The following ITGAL variants were observed in gnomAD, a reference collection of about 807,000 sequenced individuals.
The protein encoded by ITGAL is integrin alpha-L.
In ITGAL, 68 loss-of-function variants were observed where a neutral mutation model predicts 138.4. That is an observed-to-expected ratio of 0.49 (90% CI 0.40 to 0.60). The LOEUF is 0.60. Among genes scored for constraint, ITGAL ranks in the 20% least tolerant of loss-of-function variants. The pLI, the probability that ITGAL is intolerant of heterozygous loss-of-function variation, is 0.00. For missense variants in ITGAL, 1,256 were observed against 1,478.6 expected (o/e 0.85, Z 2.47); for synonymous variants, 561 against 584.3 (o/e 0.96, Z 0.57).
Position 30,494,099 on chromosome 16 carries a change from T to C in ITGAL, c.1214-113T>C. On this transcript the variant is annotated intron_variant, in intron 11 of 30. Coordinates refer to ENST00000356798, the MANE Select transcript of ITGAL (RefSeq NM_002209.3). The surrounding 1 kb of genome is among the most constrained non-coding windows in gnomAD (Gnocchi z 4.2). The stretch of plus-strand genomic sequence containing the variant: ...TTTCTCAGGAGAAGGTCTTCAGCTG[T>C]TTCCATGCATCTCTGCTACTAACCC... 1 of 867,698 alleles carries C rather than the reference T, an allele frequency of 1.2e-6. No homozygotes were observed. Among genetic ancestry groups the C allele is most frequent in the Non-Finnish European group, 1.8e-6 (1 of 558,948 alleles). 53.7% of individuals were successfully genotyped at this position (867,698 alleles called of 1,614,324 possible). A position where few individuals can be genotyped will look rare whatever the true frequency, so the allele number is the denominator to read the frequency against.
chr16:30,514,739 A>G (rs1191026505), intron 25 of ITGAL, among the ~76,000 whole-genome samples: 2 of 151,688 alleles, frequency 1.3e-5, no homozygotes, highest in African/African-American at 4.8e-5. Flanking sequence ...TAAGTTAGGT[A>G]TTTAGCTAGG....
rs559041010 is a variant in ITGAL, at chr16:30,494,749, G to C, written c.1402G>C (p.Asp468His). 1.2e-6 allele frequency: 2 copies of C among 1,612,880 alleles called. No individual in the cohort carries two copies. The highest frequency in any genetic ancestry group is 2.2e-5 in the South Asian group (2 of 90,972). The change falls in exon 13 of 31, where the codon GAC (aspartate) becomes CAC (histidine). Residue 468 changes from aspartate (D) to histidine (H), a missense_variant. Asp to His is a moderately conservative substitution (Grantham distance 81, BLOSUM62 -1). Around this residue, in one of 3 missense-constraint regions of ITGAL, gnomAD observed 867 missense variants for 972.5 expected, o/e 0.89. Coordinates refer to ENST00000356798, the MANE Select transcript of ITGAL (RefSeq NM_002209.3). The surrounding 1 kb of genome is among the most constrained non-coding windows in gnomAD (Gnocchi z 4.2). ...SYFGGELCGV[D>H]VDQDGETELL... ...TTTCGGTGGGGAGCTGTGTGGCGTCGACGTGGACCAAGATGGGGAGACAGA... is the reference window on the plus strand; with the variant it reads ...TTTCGGTGGGGAGCTGTGTGGCGTCCACGTGGACCAAGATGGGGAGACAGA...
Position 30,517,066 on chromosome 16 carries a change from C to A in ITGAL, c.2956C>A (p.His986Asn), listed in dbSNP as rs1412119249. ...PQPPSEGPIT[H>N]QWSVQMEPPV... is the part of the protein sequence containing the mutation. ...GCCTCCCAGCGAGGGGCCCATCACACACCAGTGGAGCGTGCAGATGGTGAG... is the reference window on the plus strand; with the variant it reads ...GCCTCCCAGCGAGGGGCCCATCACAAACCAGTGGAGCGTGCAGATGGTGAG... The change falls in exon 26 of 31, where the codon CAC (histidine) becomes AAC (asparagine). Residue 986 changes from histidine (H) to asparagine (N), a missense_variant. His to Asn is a moderately conservative substitution (Grantham distance 68, BLOSUM62 1). Around this residue, in one of 3 missense-constraint regions of ITGAL, gnomAD observed 867 missense variants for 972.5 expected, o/e 0.89. Transcript: ENST00000356798. 1.2e-6 allele frequency: 2 copies of A among 1,611,016 alleles called. No homozygotes were observed.
intron 17 of ITGAL, among the ~76,000 whole-genome samples, chr16:30,500,178 C>T (rs1033717397): frequency 2.0e-5 from 3 of 149,712 alleles, no homozygotes; most frequent in East Asian, 4.0e-4. Flanking sequence ...CTCTGCCTCC[C>T]GGGTTCAAGC....
At chr16:30,501,684 G>T (rs202208624) in intron 17 of ITGAL, among the ~76,000 whole-genome samples, 1 of 152,110 alleles carries the variant, frequency 6.6e-6, no homozygotes, top group Non-Finnish European at 1.5e-5. Flanking sequence ...AAAACTTAGG[G>T]ATTTTTTAAA....
At chr16:30,499,707 A>ATCTATG (rs2050858735) in intron 17 of ITGAL, among the ~76,000 whole-genome samples, 1 of 84,848 alleles carries the variant, frequency 1.2e-5, no homozygotes, top group Non-Finnish European at 2.1e-5. Flanking sequence ...GTGTATATAT[A>ATCTATG]TATATGTATA....
At chr16:30,498,910 A>G in intron 15 of ITGAL, 164 bp from the exon 16 acceptor site, 1 of 642,748 alleles carries the variant, frequency 1.6e-6, no homozygotes, top group South Asian at 2.1e-5. Flanking sequence ...CAAAATAAAT[A>G]AATAAAAAGT....
Position 30,518,629 on chromosome 16 carries a change from T to G in ITGAL, c.3138T>G (p.Ser1046=). ...TLELVGEIEA[S]SMFSLCSSLS... ...GCCTTTCCCCGCTCCCACAGGCCTC[T>G]TCCATGTTCAGCCTCTGCAGCTCCC... Residue 1046 remains serine (S), a synonymous_variant, in exon 29 of 31, where the codon TCT becomes TCG. Coordinates refer to ENST00000356798, the MANE Select transcript of ITGAL (RefSeq NM_002209.3). 6.2e-7 allele frequency: 1 copy of G among 1,613,138 alleles called. No homozygotes were observed. Among genetic ancestry groups the G allele is most frequent in the Non-Finnish European group, 8.5e-7 (1 of 1,179,138 alleles).
At chr16:30,517,178 C>A in intron 26 of ITGAL, 92 bp downstream of exon 26, 1 of 843,616 alleles carries the variant, frequency 1.2e-6, no homozygotes, top group Non-Finnish European at 1.9e-6. Context: ...TGGCCAGGTG[C>A]GGTGGCTCTG....
At chr16:30,518,557 G>A in intron 28 of ITGAL, 67 bp from the exon 29 acceptor site, 1 of 1,084,328 alleles carries the variant, frequency 9.2e-7, no homozygotes, top group Non-Finnish European at 1.4e-6. Flanking sequence ...GTGTTGTGGT[G>A]GGGGCAAAAG....
intron 15 of ITGAL, among the ~76,000 whole-genome samples, chr16:30,498,262 T>C (rs1207404723): frequency 8.4e-5 from 6 of 71,388 alleles, no homozygotes; most frequent in Non-Finnish European, 9.8e-5. Flanking sequence ...GAGGAGGATC[T>C]CAAAAAAAAA....
intron 11 of ITGAL, among the ~76,000 whole-genome samples, chr16:30,490,525 T>C (rs1171000375): frequency 6.6e-6 from 1 of 152,166 alleles, no homozygotes; most frequent in African/African-American, 2.4e-5. Flanking sequence ...TCCTCCTGCC[T>C]CTTCACTAAT....
At chr16:30,502,041 T>A (rs539234660) in intron 17 of ITGAL, among the ~76,000 whole-genome samples, 1 of 150,376 alleles carries the variant, frequency 6.6e-6, no homozygotes, top group South Asian at 2.1e-4. Context: ...TCCAAAACAA[T>A]AAAGTTTGAA....
rs201368872 is a variant in ITGAL, at chr16:30,510,931, C to T, written c.2670C>T (p.Asp890=). The change falls in exon 23 of 31, where the codon GAC becomes GAT. Residue 890 remains aspartate (D), a synonymous_variant. Coordinates refer to ENST00000356798, the MANE Select transcript of ITGAL (RefSeq NM_002209.3). The stretch of plus-strand genomic sequence containing the variant: ...CACTGGTAAACAGCTCCTGGGGGGA[C>T]TCGGTTGAATTGCACGCCAATGTGA... ...FNTLVNSSWG[D]SVELHANVTC... is the part of the protein sequence containing the mutation. 7.1e-5 allele frequency: 115 copies of T among 1,613,998 alleles called. 1 individual carries two copies. The South Asian group carries it at 1.2e-3, about 16-fold the overall frequency.
intron 21 of ITGAL, among the ~76,000 whole-genome samples, chr16:30,510,054 T>A (rs61652642): frequency 0.043 from 1,788 of 41,342 alleles, 35 homozygotes; most frequent in African/African-American, 0.16. Context: ...AAAAAAAAAA[T>A]TTTTTTTAAT....
intron 21 of ITGAL, among the ~76,000 whole-genome samples, chr16:30,507,230 C>T (rs1353022373): frequency 2.6e-5 from 4 of 151,962 alleles, no homozygotes; most frequent in African/African-American, 2.4e-5. Context: ...GAGGCCGAGG[C>T]GGGCGGATCA....
chr16:30,500,183 T>C (rs1404714658), intron 17 of ITGAL, among the ~76,000 whole-genome samples: 1 of 151,626 alleles, frequency 6.6e-6, no homozygotes, highest in Non-Finnish European at 1.5e-5. Flanking sequence ...CCTCCCGGGT[T>C]CAAGCGATTC....
At chr16:30,496,625 T>G (rs2050804772) in intron 15 of ITGAL, 59 bp downstream of exon 15, 30 of 1,414,918 alleles carry the variant, frequency 2.1e-5, no homozygotes, top group Non-Finnish European at 2.8e-5. Context: ...GTTTTGTTTA[T>G]ATTTTATTTT....
At chr16:30,516,863 G>T in intron 25 of ITGAL, 110 bp from the exon 26 acceptor site, 3 of 793,264 alleles carry the variant, frequency 3.8e-6, no homozygotes, top group Non-Finnish European at 6.8e-6. Flanking sequence ...CAAGGGCCCT[G>T]GGGACTCAGC....
Sources: allele counts gnomAD v4.1 joint callset (sites outside exome capture counted in the v4.1 genomes callset), GRCh38; gene constraint gnomAD v4.1.1; regional missense constraint gnomAD v4.1.1; non-coding constraint Gnocchi (gnomAD v3.1); transcripts MANE v1.5; gene names NCBI Gene and HGNC (gene_info 2026-07-23, HGNC 2026-07-21).